ACSF2: variants seen among roughly 807,000 people sequenced by gnomAD.
ACSF2 encodes acyl-CoA synthetase family member 2, also known as medium-chain acyl-CoA ligase ACSF2, mitochondrial.
In ACSF2, 52 loss-of-function variants were observed where a neutral mutation model predicts 79.3. The observed-to-expected ratio is 0.66, with a 90% CI of 0.53 to 0.83. The LOEUF (loss-of-function observed/expected upper bound fraction) is 0.83, where lower values mean the gene tolerates loss of function less well. ACSF2 is among the 40% of genes least tolerant of loss of function. The pLI is 0.00. For missense variants in ACSF2, 661 were observed against 803.3 expected (o/e 0.82, Z 2.14); for synonymous variants, 283 against 312.6 (o/e 0.91, Z 1.00).
At position 50,462,567 on chromosome 17, in the gene ACSF2, C is replaced by T; in HGVS notation, c.774C>T (p.Ile258=). The T allele has an allele frequency of 6.2e-7, 1 of 1,613,854 alleles. No individual in the cohort carries two copies. Among genetic ancestry groups the T allele is most frequent in the Non-Finnish European group, 8.5e-7 (1 of 1,179,832 alleles). The change falls in exon 6 of 16, where the codon ATC becomes ATT. Residue 258 remains isoleucine (I), a synonymous_variant. Transcript: ENST00000300441. ...NQQFLSCHDP[I]NIQFTSGTTG... ...AGTTCCTGTCCTGCCATGACCCCAT[C>T]AACATCCAGTTCACCTCGGTAGGGC...
chr17:50,465,218 G>T, intron 10 of ACSF2: 1 of 1,562,222 alleles, frequency 6.4e-7, no homozygotes, highest in Middle Eastern at 1.7e-4. Flanking sequence ...GGGCCAGGGG[G>T]TATCCTGGAA....
intron 1 of ACSF2, among the ~76,000 whole-genome samples, chr17:50,432,322 A>C (rs1350253886): frequency 2.0e-5 from 3 of 152,250 alleles, no homozygotes; most frequent in African/African-American, 7.2e-5. Context: ...GTCAGTGAGC[A>C]ACCTGTCCTA....
chr17:50,427,489 T>C (rs1463418757), intron 1 of ACSF2, among the ~76,000 whole-genome samples: 1 of 152,040 alleles, frequency 6.6e-6, no homozygotes, highest in Non-Finnish European at 1.5e-5. Context: ...TGGGGTCCTC[T>C]TCCCAGTGAC....
intron 10 of ACSF2, chr17:50,465,994 A>T: frequency 3.9e-6 from 4 of 1,034,378 alleles, no homozygotes; most frequent in Non-Finnish European, 5.8e-6. Context: ...GGAGTTTCCC[A>T]GTTTTCAAAG....
rs2033256234 is a variant in ACSF2, at chr17:50,474,421, G to A, written c.1798-81G>A. 1.3e-6 allele frequency: 2 copies of A among 1,539,420 alleles called. No individual in the cohort carries two copies. Among genetic ancestry groups the A allele is most frequent in the South Asian group, 1.1e-5 (1 of 89,174 alleles). On this transcript the variant is annotated intron_variant, in intron 15 of 15. Coordinates refer to ENST00000300441, the MANE Select transcript of ACSF2 (RefSeq NM_025149.6). This position sits in a 1 kb window ranked among gnomAD's most constrained non-coding sequence, Gnocchi z 4.2. ...TTTGCCTGGGGACTTTCCCTGTTTT[G>A]GCACTAAGAGCCTGAGAAACCCCTT... is the stretch of plus-strand genomic sequence containing the variant.
At chr17:50,461,888 G>A (rs1244266159) in intron 4 of ACSF2, among the ~76,000 whole-genome samples, 1 of 151,998 alleles carries the variant, frequency 6.6e-6, no homozygotes, top group African/African-American at 2.4e-5. Flanking sequence ...AACCTGGCGT[G>A]AGTGTGCAGG....
At chr17:50,426,540 A>C in intron 1 of ACSF2, 151 bp downstream of exon 1, 1 of 1,085,368 alleles carries the variant, frequency 9.2e-7, no homozygotes, top group Non-Finnish European at 1.2e-6. Flanking sequence ...GCACCTAGGC[A>C]ATAGGAAAAG....
intron 1 of ACSF2, among the ~76,000 whole-genome samples, chr17:50,459,669 G>A (rs2143692159): frequency 6.6e-6 from 1 of 152,270 alleles, no homozygotes; most frequent in Non-Finnish European, 1.5e-5. Context: ...GGGCTGGGAG[G>A]AGATGGGTAG....
intron 1 of ACSF2, chr17:50,460,334 G>A: frequency 2.1e-6 from 1 of 474,834 alleles, no homozygotes; most frequent in Non-Finnish European, 4.1e-6. Context: ...CAGGAGGCAG[G>A]GGCTAGGGGT....
chr17:50,464,106 C>A, intron 9 of ACSF2, 112 bp from the exon 10 acceptor site: 1 of 1,342,438 alleles, frequency 7.4e-7, no homozygotes, highest in Non-Finnish European at 1.1e-6. Context: ...GTAGGAAAGG[C>A]TCGGGGTCAG....
At position 50,427,577 on chromosome 17, in the gene ACSF2, C is replaced by T. The variant is rs536015125; in HGVS notation, c.128+1188C>T. Among the ~76,000 whole-genome samples the T allele has an allele frequency of 5.9e-5, 9 of 152,070 alleles. No homozygotes were observed. In the East Asian group the frequency reaches 9.7e-4, roughly 16 times the overall value. On this transcript the variant is annotated intron_variant, in intron 1 of 15. Coordinates refer to ENST00000300441, the MANE Select transcript of ACSF2 (RefSeq NM_025149.6). The stretch of plus-strand genomic sequence containing the variant: ...CCCCTGACCCCCTAGTCTCTTAAGC[C>T]TCTCCTCTGGACTCATGGCTGCCCC...
At position 50,463,400 on chromosome 17, in the gene ACSF2, A is replaced by G; in HGVS notation, c.894A>G (p.Pro298=). Residue 298 remains proline (P), a synonymous_variant, in exon 8 of 16, where the codon CCA becomes CCG. Coordinates refer to ENST00000300441, the MANE Select transcript of ACSF2 (RefSeq NM_025149.6). The surrounding 1 kb of genome is among the most constrained non-coding windows in gnomAD (Gnocchi z 4.6). ...GERLKLHEKT[P]EQLRMILPNP... is the part of the protein sequence containing the mutation. ...CCTCCTGTCTCCATCACCAGACACC[A>G]GAGCAGTTGCGGATGATCCTGCCCA... The G allele has an allele frequency of 6.2e-7, 1 of 1,613,922 alleles. No homozygotes were observed. Among genetic ancestry groups the G allele is most frequent in the Non-Finnish European group, 8.5e-7 (1 of 1,179,936 alleles).
intron 10 of ACSF2, chr17:50,465,033 A>G: frequency 2.0e-6 from 1 of 493,554 alleles, no homozygotes; most frequent in Non-Finnish European, 3.7e-6. Flanking sequence ...AGTCACCAGG[A>G]CTGGCTGGGT....
chr17:50,464,030 A>G (rs2032521050), intron 9 of ACSF2, 121 bp downstream of exon 9: 2 of 594,372 alleles, frequency 3.4e-6, no homozygotes, highest in East Asian at 1.0e-4. Flanking sequence ...ACGCTGTAAA[A>G]ATGTGGGTGG....
At chr17:50,437,873 G>C (rs2030563412) in intron 1 of ACSF2, among the ~76,000 whole-genome samples, 3 of 152,068 alleles carry the variant, frequency 2.0e-5, no homozygotes, top group Admixed American at 2.0e-4. Flanking sequence ...GTGTCTGACA[G>C]GGAATAAAAA....
At chr17:50,449,907 A>G (rs1189723110) in intron 1 of ACSF2, among the ~76,000 whole-genome samples, 1 of 152,124 alleles carries the variant, frequency 6.6e-6, no homozygotes, top group Non-Finnish European at 1.5e-5. Flanking sequence ...CCATTAAACG[A>G]TAAGTTCCCA....
At chr17:50,462,764 C>G in intron 6 of ACSF2, 179 bp downstream of exon 6, 1 of 716,234 alleles carries the variant, frequency 1.4e-6, no homozygotes, top group Non-Finnish European at 2.3e-6. Context: ...CACATTTCCT[C>G]CCCTAGCCCC....
At chr17:50,432,882 C>G (rs1378412181) in intron 1 of ACSF2, among the ~76,000 whole-genome samples, 2 of 152,082 alleles carry the variant, frequency 1.3e-5, no homozygotes, top group Non-Finnish European at 2.9e-5. Flanking sequence ...TTCTGTGATT[C>G]CTAAAGAGGC....
At chr17:50,468,371 T>C (rs755841926) in intron 10 of ACSF2, 4 of 1,614,198 alleles carry the variant, frequency 2.5e-6, no homozygotes, top group Non-Finnish European at 3.4e-6. Flanking sequence ...GATGAAGAGG[T>C]TGACCAGCGG....
Sources: gnomAD v4.1 joint callset for allele counts (sites outside exome capture counted in the v4.1 genomes callset) on GRCh38, gnomAD v4.1.1 for gene constraint, Gnocchi (gnomAD v3.1) non-coding constraint, MANE v1.5 for transcripts, NCBI Gene and HGNC (gene_info 2026-07-23, HGNC 2026-07-21) for gene names.